Variants in MSH3 observed in about 807,000 individuals in gnomAD.
The protein encoded by MSH3 is mutS homolog 3.
In MSH3, 106 loss-of-function variants were observed where a neutral mutation model predicts 123.3. That is an observed-to-expected ratio of 0.86 (90% CI 0.73 to 1.01). MSH3 has a LOEUF of 1.01. Ranked by LOEUF, MSH3 falls within the 50% of genes least tolerant of loss-of-function variation. MSH3 has a pLI of 0.00. For synonymous variants in MSH3, 515 were observed against 481.4 expected, an observed-to-expected ratio of 1.07 and a Z score of -0.91; for missense variants, 1,459 against 1,347.6, an observed-to-expected ratio of 1.08 and a Z score of -1.29.
At chr5:80,758,917 A>T (rs181187494) in intron 12 of MSH3, among the ~76,000 whole-genome samples, 2 of 152,202 alleles carry the variant, frequency 1.3e-5, no homozygotes, top group African/African-American at 4.8e-5. Context: ...GCATCAACTT[A>T]GTCTATTCCA....
chr5:80,730,754 G>A (rs1226914885), intron 10 of MSH3, among the ~76,000 whole-genome samples: 3 of 151,784 alleles, frequency 2.0e-5, no homozygotes, highest in African/African-American at 7.3e-5. Flanking sequence ...TAAGACTTGT[G>A]TTTGTGTTCC....
chr5:80,816,530 C>G (rs1261931080), intron 20 of MSH3, among the ~76,000 whole-genome samples: 1 of 152,142 alleles, frequency 6.6e-6, no homozygotes, highest in East Asian at 1.9e-4. Flanking sequence ...CCATGGTAAA[C>G]TATTGAAGAA....
At chr5:80,677,074 G>A (rs1198659787) in intron 7 of MSH3, among the ~76,000 whole-genome samples, 1 of 152,098 alleles carries the variant, frequency 6.6e-6, no homozygotes, top group Non-Finnish European at 1.5e-5. Flanking sequence ...AATTTTTATT[G>A]AACAGAGATA....
rs1159842152 is a variant in MSH3 at position 80,859,728 on chromosome 5, G to GT, written c.3001-5079dup. ...ATTTTCTCTCTTTTTTTTTTTTTTT[G>GT]TTTTTTGTTTTTTGGTTTCTTGGGG... On this transcript the variant is annotated intron_variant, in intron 21 of 23. Coordinates refer to ENST00000265081, the MANE Select transcript of MSH3 (RefSeq NM_002439.5). 5.7e-3 allele frequency among the ~76,000 whole-genome samples: 465 copies of GT among 81,792 alleles called. 4 individuals carry two copies. Among genetic ancestry groups the GT allele is most frequent in the African/African-American group, 0.013 (286 of 22,068 alleles). The allele number at this position is 81,792 out of a possible 152,430, so 53.7% of individuals were successfully genotyped here. A position where few individuals can be genotyped will look rare whatever the true frequency, so the allele number is the denominator to read the frequency against.
chr5:80,748,170 T>C (rs949330752), intron 12 of MSH3, among the ~76,000 whole-genome samples: 7 of 152,216 alleles, frequency 4.6e-5, no homozygotes, highest in African/African-American at 1.7e-4. Flanking sequence ...TCCCATTGTT[T>C]GTCAGTCATC....
chr5:80,867,451 A>G (rs1380793630), intron 22 of MSH3, among the ~76,000 whole-genome samples: 1 of 152,212 alleles, frequency 6.6e-6, no homozygotes, highest in Non-Finnish European at 1.5e-5. Flanking sequence ...AGAATTGAGT[A>G]ACAGGCTCCT....
At chr5:80,819,444 A>G (rs1308133538) in intron 20 of MSH3, among the ~76,000 whole-genome samples, 18 of 47,032 alleles carry the variant, frequency 3.8e-4, no homozygotes, top group Admixed American at 2.0e-3. Context: ...ATATATATGT[A>G]TATGTGTGTG....
At chr5:80,822,974 C>T (rs1327652092) in intron 20 of MSH3, among the ~76,000 whole-genome samples, 5 of 152,172 alleles carry the variant, frequency 3.3e-5, no homozygotes, top group African/African-American at 1.2e-4. Flanking sequence ...CAATTTATTC[C>T]ATCAAACATA....
chr5:80,799,232 G>A (rs1453119782), intron 19 of MSH3, among the ~76,000 whole-genome samples: 2 of 152,104 alleles, frequency 1.3e-5, no homozygotes, highest in Admixed American at 6.6e-5. Flanking sequence ...CATGCAGCTG[G>A]TGCCGCTCTC....
intron 4 of MSH3, 89 bp from the exon 5 acceptor site, chr5:80,672,155 C>A: frequency 2.1e-6 from 2 of 941,980 alleles, no homozygotes; most frequent in Non-Finnish European, 3.4e-6. Flanking sequence ...TAAATGTATA[C>A]CTTGATTAAT....
In MSH3 at chr5:80,654,719, T is replaced by C. The variant is rs1406236471; in HGVS notation, c.-9T>C. 7 of 1,592,888 alleles carry C rather than the reference T, an allele frequency of 4.4e-6. No homozygotes were observed. The highest frequency in any genetic ancestry group is 4.2e-5 in the African/African-American group (3 of 72,164). On this transcript the variant is annotated 5_prime_UTR_variant, in exon 1 of 24. Transcript: ENST00000265081. ...GGCCCTGCCGCCGGGCTGCCATCCT[T>C]GCCCTGCCATGTCTCGCCGGAAGCC...
chr5:80,728,889 C>G lies in MSH3; in HGVS notation c.1492C>G (p.Pro498Ala), dbSNP rs746541629. The G allele has an allele frequency of 5.6e-6, 9 of 1,611,202 alleles. No individual in the cohort carries two copies. The highest frequency in any genetic ancestry group is 6.8e-6 in the Non-Finnish European group (8 of 1,177,808). Residue 498 changes from proline (P) to alanine (A), a missense_variant, in exon 10 of 24, where the codon CCT becomes GCT. Transcript: ENST00000265081. ...IISGIVNLEKPVICSLAAIIK... is the reference protein window; with the variant it reads ...IISGIVNLEKAVICSLAAIIK... ...TTCTGGCATTGTTAACTTAGAGAAG[C>G]CTGTGATTTGCTCTTTGGCTGCCAT... is the stretch of plus-strand genomic sequence containing the variant.
chr5:80,750,714 G>A (rs1345195630), intron 12 of MSH3, among the ~76,000 whole-genome samples: 1 of 152,140 alleles, frequency 6.6e-6, no homozygotes, highest in African/African-American at 2.4e-5. Flanking sequence ...TTGCTGTGCA[G>A]ATTTTTAGTT....
chr5:80,831,392 C>T (rs1745414766), intron 20 of MSH3, among the ~76,000 whole-genome samples: 1 of 152,114 alleles, frequency 6.6e-6, no homozygotes, highest in South Asian at 2.1e-4. Flanking sequence ...GATGGCTTTC[C>T]AGGCTTTTTT....
intron 17 of MSH3, among the ~76,000 whole-genome samples, chr5:80,779,443 G>A (rs1240744014): frequency 6.6e-6 from 1 of 151,652 alleles, no homozygotes; most frequent in Non-Finnish European, 1.5e-5. Context: ...TTTAGGCATT[G>A]TAACACTTTA....
intron 20 of MSH3, among the ~76,000 whole-genome samples, chr5:80,818,063 A>G (rs945891305): frequency 1.3e-5 from 2 of 152,290 alleles, no homozygotes; most frequent in African/African-American, 2.4e-5. Context: ...TACTAAAAAT[A>G]TAAAAAATAG....
intron 20 of MSH3, among the ~76,000 whole-genome samples, 176 bp from the exon 21 acceptor site, chr5:80,853,954 G>T (rs951008171): frequency 6.6e-6 from 1 of 152,196 alleles, no homozygotes; most frequent in Non-Finnish European, 1.5e-5. Context: ...ACAGTATGAT[G>T]TTAGACACTC....
At chr5:80,802,057 T>A (rs1244864895) in intron 19 of MSH3, among the ~76,000 whole-genome samples, 1 of 152,158 alleles carries the variant, frequency 6.6e-6, no homozygotes, top group African/African-American at 2.4e-5. Flanking sequence ...TGCTGTAGAA[T>A]CCATTTACAA....
At chr5:80,740,904 C>A (rs1053134014) in intron 10 of MSH3, among the ~76,000 whole-genome samples, 1 of 151,514 alleles carries the variant, frequency 6.6e-6, no homozygotes, top group African/African-American at 2.4e-5. Context: ...TTAGTAGAGA[C>A]GAGGTTTTGC....
Sources: gnomAD v4.1 joint callset for allele counts (sites outside exome capture counted in the v4.1 genomes callset) on GRCh38, gnomAD v4.1.1 for gene constraint, MANE v1.5 for transcripts, NCBI Gene and HGNC (gene_info 2026-07-23, HGNC 2026-07-21) for gene names.